Variants in ABLIM2 observed in about 807,000 individuals in gnomAD.
ABLIM2 encodes actin binding LIM protein family member 2, also known as actin-binding LIM protein 2.
Under a neutral mutation model 97.7 loss-of-function variants are expected in ABLIM2, and 53 were observed. The observed-to-expected ratio is 0.54, with a 90% CI of 0.44 to 0.68. The LOEUF (loss-of-function observed/expected upper bound fraction) is 0.68, where lower values mean the gene tolerates loss of function less well. Among genes scored for constraint, ABLIM2 ranks in the 30% least tolerant of loss-of-function variants. ABLIM2 has a pLI of 0.00. For synonymous variants in ABLIM2, 361 were observed against 345.8 expected, an observed-to-expected ratio of 1.04 and a Z score of -0.49; for missense variants, 835 against 867.2, an observed-to-expected ratio of 0.96 and a Z score of 0.47.
At chr4:8,027,702 A>C in intron 12 of ABLIM2, 57 bp downstream of exon 12, 1 of 1,378,774 alleles carries the variant, frequency 7.3e-7, no homozygotes, top group Non-Finnish European at 9.7e-7. Flanking sequence ...GCGAGCACAC[A>C]GACGCCGGGC....
chr4:8,098,616 C>T lies in ABLIM2; in HGVS notation c.155-1334G>A, dbSNP rs112436162. The stretch of plus-strand genomic sequence containing the variant: ...TCTTCTGATATGGTGAGACGTCAAC[C>T]GAGCAGCTTAGATTCCAGATGCCGG... On this transcript the variant is annotated intron_variant, in intron 2 of 20. Transcript: ENST00000447017. Among the ~76,000 whole-genome samples the T allele has an allele frequency of 3.2e-4, 49 of 152,292 alleles. 1 individual carries two copies. Among genetic ancestry groups the T allele is most frequent in the African/African-American group, 1.1e-3 (46 of 41,556 alleles).
intron 17 of ABLIM2, among the ~76,000 whole-genome samples, chr4:7,987,313 G>A (rs888649498): frequency 6.6e-6 from 1 of 151,860 alleles, no homozygotes; most frequent in African/African-American, 2.4e-5. Flanking sequence ...AGTAGATATG[G>A]GGTCTTGCTG....
At chr4:8,026,648 T>C (rs1163025024) in intron 12 of ABLIM2, among the ~76,000 whole-genome samples, 1 of 152,260 alleles carries the variant, frequency 6.6e-6, no homozygotes, top group Non-Finnish European at 1.5e-5. Flanking sequence ...TCCTCTAATG[T>C]TCTGAGTGTC....
intron 14 of ABLIM2, among the ~76,000 whole-genome samples, chr4:8,009,734 C>T (rs1252338217): frequency 6.6e-6 from 1 of 152,202 alleles, no homozygotes; most frequent in African/African-American, 2.4e-5. Flanking sequence ...AAAAACCTCC[C>T]ACGTAACACA....
At position 8,020,321 on chromosome 4, in the gene ABLIM2, A is replaced by C; in HGVS notation, c.1268-18T>G. ...TTCACTGCCTCCAGACGGAAGGGCA[A>C]AGGCAGCAGATAGAAGGGGAAACGG... On this transcript the variant is annotated intron_variant, in intron 12 of 20. Transcript: ENST00000447017. 1 of 1,604,094 alleles carries C rather than the reference A, an allele frequency of 6.2e-7. No individual in the cohort carries two copies. Among genetic ancestry groups the C allele is most frequent in the Non-Finnish European group, 8.5e-7 (1 of 1,171,514 alleles).
chr4:8,110,339 C>A (rs185038455), intron 1 of ABLIM2, among the ~76,000 whole-genome samples: 2 of 152,170 alleles, frequency 1.3e-5, no homozygotes, highest in African/African-American at 4.8e-5. Flanking sequence ...TTCAGATTCC[C>A]GGGGGACAGC....
At chr4:8,116,444 C>T (rs915981080) in intron 1 of ABLIM2, among the ~76,000 whole-genome samples, 1 of 152,206 alleles carries the variant, frequency 6.6e-6, no homozygotes, top group Admixed American at 6.5e-5. Context: ...TGGGCTTACA[C>T]AAGATGCCCA....
chr4:8,020,239 G>T lies in ABLIM2; in HGVS notation c.1332C>A (p.Ser444=), dbSNP rs199573222. 6.2e-7 allele frequency: 1 copy of T among 1,613,926 alleles called. No individual in the cohort carries two copies. Among genetic ancestry groups the T allele is most frequent in the Non-Finnish European group, 8.5e-7 (1 of 1,179,884 alleles). Residue 444 remains serine (S), a synonymous_variant, in exon 13 of 21, where the codon TCC becomes TCA. Coordinates refer to ENST00000447017, the MANE Select transcript of ABLIM2 (RefSeq NM_001130083.2). Reference sequence around the variant, plus strand: ...AGTGGCGAGGTGCCTGCTGGTAGGTGGAGGGGGGCGGCTTGCTGTCAGAGA... The same window carrying T: ...AGTGGCGAGGTGCCTGCTGGTAGGTTGAGGGGGGCGGCTTGCTGTCAGAGA... ...SVLSDSKPPP[S]TYQQAPRHFH... is the part of the protein sequence containing the mutation.
chr4:8,090,332 C>A (rs1826492700), intron 3 of ABLIM2, among the ~76,000 whole-genome samples: 1 of 152,216 alleles, frequency 6.6e-6, no homozygotes, highest in Non-Finnish European at 1.5e-5. Context: ...CTCAGCCTCT[C>A]TGAAACACTT....
intron 20 of ABLIM2, 68 bp downstream of exon 20, chr4:7,983,196 C>A (rs758817750): frequency 6.6e-7 from 1 of 1,507,932 alleles, no homozygotes; most frequent in East Asian, 2.4e-5. Flanking sequence ...CTTGACACCA[C>A]GGAGGAGGCA....
In ABLIM2 at chr4:8,087,328, C is replaced by T. The variant is rs58538493; in HGVS notation, c.454+841G>A. Among the ~76,000 whole-genome samples, 2 of 152,272 alleles carry T rather than the reference C, an allele frequency of 1.3e-5. No homozygotes were observed. Among genetic ancestry groups the T allele is most frequent in the Middle Eastern group, 6.8e-3 (2 of 294 alleles). Reference sequence around the variant, plus strand: ...GGAAAGGCCACCTGGCTGCCCACTCCTTGCTGATACTTGGCCCCACACCTG... The same window carrying T: ...GGAAAGGCCACCTGGCTGCCCACTCTTTGCTGATACTTGGCCCCACACCTG... On this transcript the variant is annotated intron_variant, in intron 4 of 20. Transcript: ENST00000447017. This position sits in a 1 kb window ranked among gnomAD's most constrained non-coding sequence, Gnocchi z 4.6.
rs866710686 is a variant in ABLIM2, at chr4:7,970,320, G to A, written c.1825-3217C>T. Among the ~76,000 whole-genome samples the A allele has an allele frequency of 6.6e-6, 1 of 152,094 alleles. No individual in the cohort carries two copies. The highest frequency in any genetic ancestry group is 6.5e-5 in the Admixed American group (1 of 15,268). On this transcript the variant is annotated intron_variant, in intron 20 of 20. Coordinates refer to ENST00000447017, the MANE Select transcript of ABLIM2 (RefSeq NM_001130083.2). The surrounding 1 kb of genome is among the most constrained non-coding windows in gnomAD (Gnocchi z 5.3). ...TGCTTCCTGCTGGGGGAGGCTAAGG[G>A]AGGGGCGCAAAGGTGCTGGTGGGCA...
intron 1 of ABLIM2, among the ~76,000 whole-genome samples, chr4:8,126,574 G>A (rs962297734): frequency 9.2e-5 from 14 of 152,032 alleles, no homozygotes; most frequent in Non-Finnish European, 1.8e-4. Context: ...CTGGTTGTTC[G>A]TATCTAAGGA....
At chr4:8,096,376 T>C (rs1831558470) in intron 3 of ABLIM2, among the ~76,000 whole-genome samples, 1 of 152,136 alleles carries the variant, frequency 6.6e-6, no homozygotes, top group Admixed American at 6.5e-5. Flanking sequence ...TCAACCCTCA[T>C]CTCTAAGCCA....
chr4:8,042,315 C>T (rs575973861), intron 9 of ABLIM2, among the ~76,000 whole-genome samples: 2 of 152,308 alleles, frequency 1.3e-5, no homozygotes, highest in African/African-American at 4.8e-5. Context: ...CTAACCTTTC[C>T]CTCATTCTGT....
intron 14 of ABLIM2, among the ~76,000 whole-genome samples, chr4:8,011,573 T>C (rs1439424718): frequency 1.3e-5 from 2 of 152,216 alleles, no homozygotes; most frequent in Non-Finnish European, 2.9e-5. Context: ...TGGAACATAA[T>C]AGGAAACTCA....
chr4:8,120,284 G>A lies in ABLIM2; in HGVS notation c.11-13647C>T, dbSNP rs145644915. On this transcript the variant is annotated intron_variant, in intron 1 of 20. Transcript: ENST00000447017. This position sits in a 1 kb window ranked among gnomAD's most constrained non-coding sequence, Gnocchi z 5.6. The stretch of plus-strand genomic sequence containing the variant: ...TGCCCACGTTGAAGTCCTAACCCCC[G>A]GACCTCGGCAAGTGACTGTGTTCGG... Among the ~76,000 whole-genome samples the A allele has an allele frequency of 7.2e-3, 1,101 of 152,262 alleles. 8 individuals carry two copies. The highest frequency in any genetic ancestry group is 0.014 in the Middle Eastern group (4 of 294).
At chr4:7,989,552 T>A (rs540772520) in intron 17 of ABLIM2, 61 of 411,638 alleles carry the variant, frequency 1.5e-4, no homozygotes, top group African/African-American at 1.3e-3. Flanking sequence ...ACTATTAATT[T>A]TATTAATTCC....
rs906312868 is a variant in ABLIM2, at chr4:8,132,717, A to G, written c.10+25963T>C. ...TCCTGGGCCTGCAACAGGCCCCAAC[A>G]CTCCAGAGCCCTGGGACCTGGGCCC... On this transcript the variant is annotated intron_variant, in intron 1 of 20. Transcript: ENST00000447017. This position sits in a 1 kb window ranked among gnomAD's most constrained non-coding sequence, Gnocchi z 8.0. 3.3e-5 allele frequency among the ~76,000 whole-genome samples: 5 copies of G among 151,852 alleles called. No individual in the cohort carries two copies. The highest frequency in any genetic ancestry group is 4.8e-5 in the African/African-American group (2 of 41,328).
Sources: gnomAD v4.1 joint callset for allele counts (sites outside exome capture counted in the v4.1 genomes callset) on GRCh38, gnomAD v4.1.1 for gene constraint, Gnocchi (gnomAD v3.1) non-coding constraint, MANE v1.5 for transcripts, NCBI Gene and HGNC (gene_info 2026-07-23, HGNC 2026-07-21) for gene names.